Variants in SETBP1 observed in about 807,000 individuals in gnomAD.
The protein encoded by SETBP1 is SET-binding protein.
A neutral mutation model predicts 101.0 loss-of-function variants in SETBP1; 9 were observed. That is an observed-to-expected ratio of 0.09 (90% CI 0.05 to 0.16). The LOEUF (loss-of-function observed/expected upper bound fraction) is 0.16. Ranked by LOEUF, SETBP1 falls within the 10% of genes least tolerant of loss-of-function variation. The probability of loss-of-function intolerance (pLI) is 1.00; values close to 1 mark genes in which losing one functional copy is unlikely to be tolerated. For synonymous variants in SETBP1, 818 were observed against 788.5 expected (o/e 1.04, Z -0.63); for missense variants, 1,858 against 2,033.8 (o/e 0.91, Z 1.66).
chr18:45,066,250 G>T lies in SETBP1; in HGVS notation c.*2552G>T, dbSNP rs566970462. 6.6e-6 allele frequency: 1 copy of T among 152,284 alleles called. No individual in the cohort carries two copies. Among genetic ancestry groups the T allele is most frequent in the East Asian group, 1.9e-4 (1 of 5,186 alleles). 9.4% of individuals were successfully genotyped at this position (152,284 alleles called of 1,614,324 possible). A position where few individuals can be genotyped will look rare whatever the true frequency, so the allele number is the denominator to read the frequency against. On this transcript the variant is annotated 3_prime_UTR_variant, in exon 6 of 6. Transcript: ENST00000649279. Reference sequence around the variant, plus strand: ...TTAACAGCAGAGTTGCAACTTACACGTGAATTCTGGTCTATAGTGGTCATG... The same window carrying T: ...TTAACAGCAGAGTTGCAACTTACACTTGAATTCTGGTCTATAGTGGTCATG...
intron 2 of SETBP1, among the ~76,000 whole-genome samples, chr18:44,808,307 G>T (rs1260591374): frequency 6.6e-6 from 1 of 152,128 alleles, no homozygotes; most frequent in African/African-American, 2.4e-5. Flanking sequence ...TTCTTTGTTT[G>T]CCTCTCCACT....
At chr18:44,968,475 G>T (rs932218008) in intron 4 of SETBP1, among the ~76,000 whole-genome samples, 1 of 152,152 alleles carries the variant, frequency 6.6e-6, no homozygotes, top group Non-Finnish European at 1.5e-5. Context: ...TGGACGACCT[G>T]GGGGGAAGCC....
intron 4 of SETBP1, among the ~76,000 whole-genome samples, chr18:45,026,218 C>G (rs2073161373): frequency 6.6e-6 from 1 of 152,190 alleles, no homozygotes; most frequent in Non-Finnish European, 1.5e-5. Context: ...TTGGCTTGGT[C>G]TGTTTCTAAG....
intron 3 of SETBP1, among the ~76,000 whole-genome samples, chr18:44,929,735 T>C (rs1260894518): frequency 1.2e-4 from 18 of 152,334 alleles, no homozygotes; most frequent in Non-Finnish European, 1.5e-4. Context: ...GGCTCTCTGT[T>C]TGTCTGTTAT....
At chr18:45,028,090 C>G (rs2145446395) in intron 4 of SETBP1, among the ~76,000 whole-genome samples, 1 of 152,000 alleles carries the variant, frequency 6.6e-6, no homozygotes, top group Non-Finnish European at 1.5e-5. Context: ...ATACGTGTGC[C>G]ATGCTGGCGT....
intron 2 of SETBP1, among the ~76,000 whole-genome samples, chr18:44,781,572 C>A (rs1742953757): frequency 6.7e-6 from 1 of 150,038 alleles, no homozygotes; most frequent in Non-Finnish European, 1.5e-5. Context: ...TTATGTATCC[C>A]TATTGCCTAA....
intron 2 of SETBP1, among the ~76,000 whole-genome samples, chr18:44,800,174 A>G (rs1460412038): frequency 6.6e-6 from 1 of 152,054 alleles, no homozygotes; most frequent in African/African-American, 2.4e-5. Context: ...GTGGATTTTT[A>G]TTTTATGCTA....
At chr18:44,975,496 A>G (rs994270433) in intron 4 of SETBP1, among the ~76,000 whole-genome samples, 1 of 152,200 alleles carries the variant, frequency 6.6e-6, no homozygotes, top group Non-Finnish European at 1.5e-5. Flanking sequence ...ACTCAATGTA[A>G]GTGAACTCAG....
intron 2 of SETBP1, among the ~76,000 whole-genome samples, chr18:44,853,904 C>T (rs947628786): frequency 6.6e-6 from 1 of 152,164 alleles, no homozygotes; most frequent in Admixed American, 6.5e-5. Context: ...TCTACTCATC[C>T]TTTGGGGGAT....
intron 3 of SETBP1, chr18:44,869,514 G>T: frequency 8.9e-6 from 4 of 449,162 alleles, no homozygotes; most frequent in Non-Finnish European, 1.2e-5. Context: ...TTCTATAGGA[G>T]AAAAATATAT....
chr18:44,868,699 G>A (rs1223310557), intron 2 of SETBP1, among the ~76,000 whole-genome samples: 1 of 33,886 alleles, frequency 3.0e-5, no homozygotes, highest in Admixed American at 3.1e-4. Context: ...AGAGAGAGAG[G>A]ACGGAAGGAA....
intron 3 of SETBP1, among the ~76,000 whole-genome samples, chr18:44,903,835 T>C (rs2070108708): frequency 6.6e-6 from 1 of 152,216 alleles, no homozygotes; most frequent in Non-Finnish European, 1.5e-5. Flanking sequence ...ATTGAACTGA[T>C]TTATTCATCT....
At chr18:45,061,641 A>T (rs1469901173) in intron 5 of SETBP1, among the ~76,000 whole-genome samples, 1 of 152,210 alleles carries the variant, frequency 6.6e-6, no homozygotes, top group Non-Finnish European at 1.5e-5. Context: ...CCCTCCTGGC[A>T]ATCTGTGCTG....
At chr18:44,870,531 T>C (rs2069248447) in intron 3 of SETBP1, 1 of 152,206 alleles carries the variant, frequency 6.6e-6, no homozygotes, top group Non-Finnish European at 1.5e-5. Context: ...AGATGGCCAG[T>C]AAGCCTTTTT....
intron 3 of SETBP1, among the ~76,000 whole-genome samples, chr18:44,947,449 T>C (rs2071233376): frequency 6.7e-6 from 1 of 150,016 alleles, no homozygotes; most frequent in South Asian, 2.1e-4. Context: ...CCACTGCAAG[T>C]CCTGTTTTAC....
chr18:45,004,806 T>G (rs2072691318), intron 4 of SETBP1, among the ~76,000 whole-genome samples: 1 of 152,196 alleles, frequency 6.6e-6, no homozygotes, highest in African/African-American at 2.4e-5. Flanking sequence ...ACGGCAAAGC[T>G]CAATCCCTGA....
intron 2 of SETBP1, among the ~76,000 whole-genome samples, chr18:44,747,890 T>C (rs2070293980): frequency 6.6e-6 from 1 of 152,220 alleles, no homozygotes; most frequent in African/African-American, 2.4e-5. Context: ...ATCTAGGAGA[T>C]CAGCTATCCC....
intron 2 of SETBP1, among the ~76,000 whole-genome samples, chr18:44,861,037 T>C (rs1217400073): frequency 6.6e-6 from 1 of 152,036 alleles, no homozygotes; most frequent in African/African-American, 2.4e-5. Flanking sequence ...TTTAAATAGA[T>C]GTTAACATGG....
At chr18:44,739,168 G>T (rs2070044780) in intron 2 of SETBP1, among the ~76,000 whole-genome samples, 1 of 152,016 alleles carries the variant, frequency 6.6e-6, no homozygotes, top group South Asian at 2.1e-4. Flanking sequence ...AAAACATTTG[G>T]ACCTACCTGC....
Sources: allele counts gnomAD v4.1 joint callset (sites outside exome capture counted in the v4.1 genomes callset), GRCh38; gene constraint gnomAD v4.1.1; transcripts MANE v1.5; gene names NCBI Gene and HGNC (gene_info 2026-07-23, HGNC 2026-07-21).